The following SULF1 variants were observed in gnomAD, a reference collection of about 807,000 sequenced individuals.
The protein encoded by SULF1 is sulfatase 1, also known as extracellular sulfatase Sulf-1.
Under a neutral mutation model 110.5 loss-of-function variants are expected in SULF1, and 46 were observed. That is an observed-to-expected ratio of 0.42 (90% CI 0.33 to 0.53). The LOEUF is 0.53. Ranked by LOEUF, SULF1 falls within the 20% of genes least tolerant of loss-of-function variation. The pLI is 0.12. For missense variants in SULF1, 941 were observed against 1,094.2 expected, an observed-to-expected ratio of 0.86 and a Z score of 1.98; for synonymous variants, 371 against 387.1, an observed-to-expected ratio of 0.96 and a Z score of 0.49.
chr8:69,501,449 T>C (rs929836871), intron 2 of SULF1, among the ~76,000 whole-genome samples: 4 of 152,250 alleles, frequency 2.6e-5, no homozygotes, highest in African/African-American at 9.6e-5. Context: ...CATCAAATAA[T>C]AGCTTGCTGC....
chr8:69,656,897 C>T (rs1276668512), intron 22 of SULF1, among the ~76,000 whole-genome samples: 5 of 152,224 alleles, frequency 3.3e-5, no homozygotes, highest in African/African-American at 9.7e-5. Context: ...GGAATCACCA[C>T]ACTGTCTTCC....
intron 14 of SULF1, 73 bp downstream of exon 14, chr8:69,621,324 G>C (rs759765475): frequency 3.6e-6 from 4 of 1,106,556 alleles, no homozygotes; most frequent in Non-Finnish European, 5.0e-6. Flanking sequence ...AGACGAAAGG[G>C]TTGCTCCTTC....
At chr8:69,618,017 T>C (rs190030056) in intron 13 of SULF1, among the ~76,000 whole-genome samples, 6 of 152,328 alleles carry the variant, frequency 3.9e-5, no homozygotes, top group Non-Finnish European at 8.8e-5. Flanking sequence ...GCTGCAAAAC[T>C]GTCCAGTAAG....
intron 1 of SULF1, among the ~76,000 whole-genome samples, chr8:69,471,438 G>T (rs1302465420): frequency 6.6e-6 from 1 of 152,150 alleles, no homozygotes; most frequent in African/African-American, 2.4e-5. Flanking sequence ...TTTTATTTGG[G>T]GGAAACTTAA....
chr8:69,584,777 A>G (rs1806325924), intron 6 of SULF1, among the ~76,000 whole-genome samples: 1 of 152,216 alleles, frequency 6.6e-6, no homozygotes, highest in African/African-American at 2.4e-5. Context: ...ATTTTACACC[A>G]CTGTAAATGT....
chr8:69,615,879 T>A (rs1224930944), intron 13 of SULF1, among the ~76,000 whole-genome samples: 1 of 151,964 alleles, frequency 6.6e-6, no homozygotes, highest in Non-Finnish European at 1.5e-5. Flanking sequence ...TACCCTCAGC[T>A]CCTCCAGGGC....
chr8:69,594,420 A>C (rs58724318), intron 8 of SULF1, among the ~76,000 whole-genome samples: 3,532 of 136,850 alleles, frequency 0.026, 108 homozygotes, highest in African/African-American at 0.088. Flanking sequence ...GTGTGCATGT[A>C]CACTCACACA....
intron 14 of SULF1, among the ~76,000 whole-genome samples, chr8:69,622,261 C>T (rs1809673261): frequency 6.6e-6 from 1 of 152,138 alleles, no homozygotes; most frequent in African/African-American, 2.4e-5. Context: ...GGTCTAATAA[C>T]TCACACAAAG....
At chr8:69,484,261 A>G (rs1045749899) in intron 1 of SULF1, among the ~76,000 whole-genome samples, 2 of 152,228 alleles carry the variant, frequency 1.3e-5, no homozygotes, top group Middle Eastern at 3.2e-3. Context: ...AAATATTTGC[A>G]TGAAAAAATA....
intron 2 of SULF1, among the ~76,000 whole-genome samples, chr8:69,497,498 AC>A (rs1311934882): frequency 6.6e-6 from 1 of 152,172 alleles, no homozygotes; most frequent in African/African-American, 2.4e-5. Context: ...CTTTTAAGAG[AC>A]AATTAAAGGA....
chr8:69,596,011 A>T (rs1807293431), intron 8 of SULF1, among the ~76,000 whole-genome samples: 1 of 152,226 alleles, frequency 6.6e-6, no homozygotes, highest in Non-Finnish European at 1.5e-5. Flanking sequence ...AAGAAAATCA[A>T]ACACTCAGGA....
chr8:69,536,333 ATGT>A (rs2150656784), intron 3 of SULF1, among the ~76,000 whole-genome samples: 2 of 152,284 alleles, frequency 1.3e-5, no homozygotes, highest in African/African-American at 4.8e-5. Context: ...CAGAAAGTAA[ATGT>A]TGTTCCCTTT....
intron 13 of SULF1, among the ~76,000 whole-genome samples, chr8:69,609,769 T>C (rs1808502824): frequency 6.6e-6 from 1 of 152,210 alleles, no homozygotes; most frequent in Non-Finnish European, 1.5e-5. Context: ...TAGAATCATA[T>C]GGGCAGCTTT....
At chr8:69,536,954 A>G (rs934255595) in intron 3 of SULF1, among the ~76,000 whole-genome samples, 8 of 152,178 alleles carry the variant, frequency 5.3e-5, no homozygotes, top group African/African-American at 1.9e-4. Context: ...TCCCCTACCT[A>G]CTAGTTGTAA....
intron 3 of SULF1, among the ~76,000 whole-genome samples, chr8:69,503,150 A>G (rs1000167070): frequency 1.8e-4 from 27 of 152,174 alleles, no homozygotes; most frequent in Admixed American, 1.7e-3. Context: ...TTCTCTTTCT[A>G]ATACTTATCG....
intron 10 of SULF1, 141 bp from the exon 11 acceptor site, chr8:69,603,051 C>A: frequency 1.7e-6 from 2 of 1,200,290 alleles, no homozygotes; most frequent in Non-Finnish European, 2.4e-6. Flanking sequence ...ACCCTTGCCA[C>A]ACAACTACCC....
At chr8:69,596,945 G>A (rs1274852768) in intron 8 of SULF1, 1 of 152,126 alleles carries the variant, frequency 6.6e-6, no homozygotes, top group Non-Finnish European at 1.5e-5. Context: ...ATATAGATGA[G>A]GAAACTGAGA....
chr8:69,536,125 T>C (rs1813417994), intron 3 of SULF1, among the ~76,000 whole-genome samples: 1 of 152,214 alleles, frequency 6.6e-6, no homozygotes, highest in Admixed American at 6.5e-5. Context: ...AATTTGATCA[T>C]GTACTCTTTA....
intron 6 of SULF1, among the ~76,000 whole-genome samples, chr8:69,586,126 T>A (rs759964339): frequency 6.6e-6 from 1 of 152,234 alleles, no homozygotes; most frequent in African/African-American, 2.4e-5. Flanking sequence ...GATGGTTTCA[T>A]TGAGCTGTAA....
Sources: allele counts gnomAD v4.1 joint callset (sites outside exome capture counted in the v4.1 genomes callset), GRCh38; gene constraint gnomAD v4.1.1; transcripts MANE v1.5; gene names NCBI Gene and HGNC (gene_info 2026-07-23, HGNC 2026-07-21).